Variants in LAPTM4B observed in about 807,000 individuals in gnomAD.
LAPTM4B encodes the protein lysosomal-associated transmembrane protein 4B.
In LAPTM4B, 26 loss-of-function variants were observed where a neutral mutation model predicts 28.5. The observed-to-expected ratio is 0.91, with a 90% CI of 0.67 to 1.27. LAPTM4B has a LOEUF of 1.27. Ranked by LOEUF, LAPTM4B falls within the 50% of genes most tolerant of loss-of-function variation. The probability of loss-of-function intolerance (pLI) is 0.00; values close to 1 mark genes in which losing one functional copy is unlikely to be tolerated. For missense variants in LAPTM4B, 288 were observed against 285.8 expected, an observed-to-expected ratio of 1.01 and a Z score of -0.06; for synonymous variants, 109 against 106.4, an observed-to-expected ratio of 1.02 and a Z score of -0.15.
chr8:97,816,129 A>G lies in LAPTM4B; in HGVS notation c.357A>G (p.Ala119=), dbSNP rs1816909517. The change falls in exon 4 of 7, where the codon GCA becomes GCG. Residue 119 remains alanine, a synonymous_variant. Transcript: ENST00000521545. ...ACTTTGCCCTGAACATGTTGGTTGCAATCACTGTGCTTATTTATCCAAACT... is the reference window on the plus strand; with the variant it reads ...ACTTTGCCCTGAACATGTTGGTTGCGATCACTGTGCTTATTTATCCAAACT... ...IFDFALNMLV[A]ITVLIYPNSI... 1.2e-6 allele frequency: 2 copies of G among 1,613,966 alleles called. No individual in the cohort carries two copies. Among genetic ancestry groups the G allele is most frequent in the Non-Finnish European group, 1.7e-6 (2 of 1,179,918 alleles).
Position 97,795,971 on chromosome 8 carries a change from C to T in LAPTM4B, c.100-9382C>T, listed in dbSNP as rs1343692025. ...ATTTATTTGCTGTTTTCCCCACTCA[C>T]CTTTGTTGCCCAGGCTGGAGTGCAG... On this transcript the variant is annotated intron_variant, in intron 1 of 6. Coordinates refer to ENST00000521545, the MANE Select transcript of LAPTM4B (RefSeq NM_018407.6). Among the ~76,000 whole-genome samples the T allele has an allele frequency of 5.9e-5, 9 of 152,262 alleles. No homozygotes were observed. In the East Asian group the frequency reaches 1.5e-3, roughly 26 times the overall value.
chr8:97,813,607 CCT>C (rs1816860048), intron 2 of LAPTM4B, among the ~76,000 whole-genome samples: 1 of 152,254 alleles, frequency 6.6e-6, no homozygotes, highest in Admixed American at 6.5e-5. Context: ...CTGTTGAGGT[CCT>C]GTTTGCCACT....
intron 2 of LAPTM4B, among the ~76,000 whole-genome samples, chr8:97,811,022 T>C (rs1380478984): frequency 2.0e-5 from 3 of 152,188 alleles, no homozygotes; most frequent in Non-Finnish European, 2.9e-5. Flanking sequence ...TTCTCCACAT[T>C]GCAAGTTATA....
At position 97,775,921 on chromosome 8, in the gene LAPTM4B, G is replaced by T; in HGVS notation, c.-89G>T. 1.6e-6 allele frequency: 2 copies of T among 1,218,948 alleles called. No individual in the cohort carries two copies. The highest frequency in any genetic ancestry group is 1.6e-5 in the South Asian group (1 of 62,476). 75.5% of individuals were successfully genotyped at this position (1,218,948 alleles called of 1,614,324 possible). ...GGCCGGGAGCCGGAGCGGCGGAGGA[G>T]CCGGCAGCAGCGGCGCGGCGGGCTC... On this transcript the variant is annotated 5_prime_UTR_variant, in exon 1 of 7. Transcript: ENST00000521545.
At chr8:97,827,743 T>G (rs1354692652) in intron 6 of LAPTM4B, among the ~76,000 whole-genome samples, 1 of 152,134 alleles carries the variant, frequency 6.6e-6, no homozygotes, top group African/African-American at 2.4e-5. Context: ...TTCACTCAGG[T>G]GCGAGCGGGC....
intron 1 of LAPTM4B, among the ~76,000 whole-genome samples, chr8:97,796,651 C>T (rs192418681): frequency 4.0e-4 from 61 of 152,170 alleles, no homozygotes; most frequent in Admixed American, 8.5e-4. Flanking sequence ...TAGAAATGTC[C>T]GGGCACGTCC....
chr8:97,788,291 G>T, intron 1 of LAPTM4B: 1 of 383,368 alleles, frequency 2.6e-6, no homozygotes, highest in Non-Finnish European at 5.2e-6. Flanking sequence ...TGAATCCACT[G>T]GGGAATGGGA....
chr8:97,842,854 C>T (rs538139729), intron 6 of LAPTM4B, among the ~76,000 whole-genome samples: 9 of 149,222 alleles, frequency 6.0e-5, no homozygotes, highest in Admixed American at 2.7e-4. Flanking sequence ...CTTTTTCCTG[C>T]AGAAGTTTTA....
At position 97,811,068 on chromosome 8, in the gene LAPTM4B, C is replaced by T. The variant is rs145940284; in HGVS notation, c.212-4260C>T. Among the ~76,000 whole-genome samples, 15 of 152,274 alleles carry T rather than the reference C, an allele frequency of 9.9e-5. No individual in the cohort carries two copies. The East Asian group carries it at 1.4e-3, about 14-fold the overall frequency. ...AATTACAGCTACAGTAGTAAATTACCGTGCCCCTTCAAAATGACCAACATT... is the reference window on the plus strand; with the variant it reads ...AATTACAGCTACAGTAGTAAATTACTGTGCCCCTTCAAAATGACCAACATT... On this transcript the variant is annotated intron_variant, in intron 2 of 6. Transcript: ENST00000521545.
At chr8:97,837,022 A>G (rs1004347276) in intron 6 of LAPTM4B, among the ~76,000 whole-genome samples, 4 of 152,120 alleles carry the variant, frequency 2.6e-5, no homozygotes, top group Admixed American at 1.3e-4. Flanking sequence ...CCTTTTCTCA[A>G]TAAATTCTCT....
intron 6 of LAPTM4B, among the ~76,000 whole-genome samples, chr8:97,831,939 T>G (rs941746900): frequency 6.6e-6 from 1 of 152,166 alleles, no homozygotes; most frequent in Admixed American, 6.5e-5. Context: ...CTGCTGCTTG[T>G]TGGTGGGAGA....
At chr8:97,847,926 A>T (rs1817456248) in intron 6 of LAPTM4B, among the ~76,000 whole-genome samples, 1 of 152,242 alleles carries the variant, frequency 6.6e-6, no homozygotes, top group Admixed American at 6.5e-5. Context: ...CTTTGGATTA[A>T]GGGTCCAAGG....
intron 5 of LAPTM4B, among the ~76,000 whole-genome samples, chr8:97,824,404 C>G (rs1817059837): frequency 6.6e-6 from 1 of 152,088 alleles, no homozygotes; most frequent in Admixed American, 6.6e-5. Flanking sequence ...TCCTTTAGTT[C>G]TAATCCAATT....
intron 6 of LAPTM4B, among the ~76,000 whole-genome samples, chr8:97,844,119 G>T (rs1384734143): frequency 1.3e-5 from 2 of 151,708 alleles, no homozygotes; most frequent in Non-Finnish European, 2.9e-5. Context: ...TGGGGAGAGG[G>T]GGGTCTCTGT....
intron 5 of LAPTM4B, among the ~76,000 whole-genome samples, chr8:97,820,304 C>CTTTTTTTTTTTTTTTTTT (rs71570268): frequency 7.8e-6 from 1 of 128,350 alleles, no homozygotes; most frequent in African/African-American, 2.9e-5. Flanking sequence ...TTCTTTCTTT[C>CTTTTTTTTTTTTTTTTTT]TTTTTTTTTT....
At chr8:97,825,012 C>A in intron 5 of LAPTM4B, 46 bp from the exon 6 acceptor site, 2 of 1,037,888 alleles carry the variant, frequency 1.9e-6, no homozygotes, top group Non-Finnish European at 3.0e-6. Context: ...TCTAAATTAC[C>A]TGCAGTTTGA....
At chr8:97,781,277 C>CATTTTTTTTT (rs1489104689) in intron 1 of LAPTM4B, among the ~76,000 whole-genome samples, 1 of 43,988 alleles carries the variant, frequency 2.3e-5, no homozygotes, top group Admixed American at 2.1e-4. Context: ...CTGTGCCCGG[C>CATTTTTTTTT]CTTTTTTTTT....
intron 2 of LAPTM4B, among the ~76,000 whole-genome samples, chr8:97,808,885 C>T (rs547851934): frequency 1.1e-4 from 16 of 151,592 alleles, no homozygotes; most frequent in Admixed American, 3.3e-4. Flanking sequence ...CGCTTTAACC[C>T]GGGAGGCAGA....
chr8:97,777,584 C>A (rs767385419), intron 1 of LAPTM4B, among the ~76,000 whole-genome samples: 8 of 152,150 alleles, frequency 5.3e-5, no homozygotes, highest in Non-Finnish European at 8.8e-5. Flanking sequence ...CAAAACATTT[C>A]ACCCCAGGCA....
Sources: allele counts gnomAD v4.1 joint callset (sites outside exome capture counted in the v4.1 genomes callset), GRCh38; gene constraint gnomAD v4.1.1; transcripts MANE v1.5; gene names NCBI Gene and HGNC (gene_info 2026-07-23, HGNC 2026-07-21).